The following ZFYVE9 variants were observed in gnomAD, a reference collection of about 807,000 sequenced individuals.
ZFYVE9 encodes the protein zinc finger FYVE domain-containing protein 9.
ZFYVE9 carries 43 observed loss-of-function variants against 126.7 expected under a neutral mutation model. The ratio of observed to expected loss-of-function variants is 0.34; its 90% confidence interval spans 0.27 to 0.44. The LOEUF is 0.44. Ranked by LOEUF, ZFYVE9 falls within the 20% of genes least tolerant of loss-of-function variation. ZFYVE9 has a pLI of 1.00. For missense variants in ZFYVE9, 1,476 were observed against 1,697.0 expected, an observed-to-expected ratio of 0.87 and a Z score of 2.29; for synonymous variants, 521 against 597.4, an observed-to-expected ratio of 0.87 and a Z score of 1.87.
At chr1:52,233,103 G>A (rs1195278883) in intron 2 of ZFYVE9, 68 bp from the exon 3 acceptor site, 34 of 629,434 alleles carry the variant, frequency 5.4e-5, no homozygotes, top group Admixed American at 8.2e-5. Flanking sequence ...TTTTATCCTT[G>A]TGTATATACT....
At chr1:52,214,934 G>C (rs1396434655) in intron 1 of ZFYVE9, among the ~76,000 whole-genome samples, 1 of 152,102 alleles carries the variant, frequency 6.6e-6, no homozygotes, top group Middle Eastern at 3.2e-3. Flanking sequence ...GGTCACACTG[G>C]GGAGGGCAAT....
chr1:52,288,856 G>A (rs1645888939), intron 10 of ZFYVE9, among the ~76,000 whole-genome samples: 1 of 150,748 alleles, frequency 6.6e-6, no homozygotes, highest in African/African-American at 2.4e-5. Flanking sequence ...AACCCGGGAG[G>A]CGGAGGTTTC....
chr1:52,144,667 A>G (rs1354382309), intron 1 of ZFYVE9, among the ~76,000 whole-genome samples: 1 of 151,198 alleles, frequency 6.6e-6, no homozygotes, highest in African/African-American at 2.4e-5. Context: ...GCTCCAGCTC[A>G]AAGGATGTCA....
intron 12 of ZFYVE9, among the ~76,000 whole-genome samples, chr1:52,299,219 A>G (rs1488446174): frequency 6.6e-6 from 1 of 151,768 alleles, no homozygotes; most frequent in Non-Finnish European, 1.5e-5. Context: ...TGTTTTCTTT[A>G]TTTTTTATTA....
intron 1 of ZFYVE9, among the ~76,000 whole-genome samples, chr1:52,204,736 A>G (rs1644957507): frequency 6.6e-6 from 1 of 152,066 alleles, no homozygotes. Flanking sequence ...CAAAAAAAAA[A>G]GAAAAGAAAA....
intron 1 of ZFYVE9, among the ~76,000 whole-genome samples, chr1:52,175,951 G>A (rs1390963378): frequency 6.6e-6 from 1 of 152,096 alleles, no homozygotes; most frequent in Non-Finnish European, 1.5e-5. Context: ...ATTTCCTCCT[G>A]TAGCTTGGAG....
Position 52,266,662 on chromosome 1 carries a change from C to T in ZFYVE9, c.2286C>T (p.Ala762=), listed in dbSNP as rs1270743767. Residue 762 remains alanine (A), a synonymous_variant, in exon 6 of 19, where the codon GCC becomes GCT. Coordinates refer to ENST00000287727, the MANE Select transcript of ZFYVE9 (RefSeq NM_004799.4). ...TGTCTGTATTTGCTTTAGCTCAAGC[C>T]TGGGAGAACATGATGAGTGCCTCAA... ...ICHSVLMNAQ[A]WENMMSASSQ... 2 of 1,592,398 alleles carry T rather than the reference C, an allele frequency of 1.3e-6. No individual in the cohort carries two copies. Among genetic ancestry groups the T allele is most frequent in the Non-Finnish European group, 1.7e-6 (2 of 1,170,834 alleles).
chr1:52,313,958 G>T (rs1355236320), intron 13 of ZFYVE9, among the ~76,000 whole-genome samples: 1 of 152,126 alleles, frequency 6.6e-6, no homozygotes, highest in Non-Finnish European at 1.5e-5. Context: ...TAAATAAACA[G>T]CACGTCATCG....
chr1:52,215,753 C>T (rs534595952), intron 1 of ZFYVE9, among the ~76,000 whole-genome samples: 1 of 152,202 alleles, frequency 6.6e-6, no homozygotes, highest in East Asian at 1.9e-4. Flanking sequence ...TGGATATTGT[C>T]GTATTTTCAC....
intron 7 of ZFYVE9, 53 bp downstream of exon 7, chr1:52,268,685 T>G: frequency 1.9e-6 from 3 of 1,571,166 alleles, no homozygotes; most frequent in Non-Finnish European, 2.6e-6. Context: ...CTCAGCATTG[T>G]GCTGCCTCTG....
chr1:52,308,479 G>A (rs890783207), intron 13 of ZFYVE9, among the ~76,000 whole-genome samples: 4 of 152,036 alleles, frequency 2.6e-5, no homozygotes, highest in Admixed American at 6.5e-5. Context: ...CACTACACCC[G>A]GCCATAATTT....
At chr1:52,310,737 A>C (rs779157708) in intron 13 of ZFYVE9, among the ~76,000 whole-genome samples, 1 of 152,172 alleles carries the variant, frequency 6.6e-6, no homozygotes, top group Non-Finnish European at 1.5e-5. Flanking sequence ...ATGTGGTTCT[A>C]TTTACATTTT....
chr1:52,269,405 C>T (rs1161578403), intron 7 of ZFYVE9, among the ~76,000 whole-genome samples: 1 of 152,128 alleles, frequency 6.6e-6, no homozygotes, highest in African/African-American at 2.4e-5. Context: ...GCTAGGATTA[C>T]AGGTGTGAGC....
At chr1:52,175,455 A>G (rs956004205) in intron 1 of ZFYVE9, among the ~76,000 whole-genome samples, 9 of 149,968 alleles carry the variant, frequency 6.0e-5, no homozygotes, top group Non-Finnish European at 1.2e-4. Flanking sequence ...CTTCATTTCA[A>G]CTTTGGTGAA....
intron 1 of ZFYVE9, chr1:52,160,432 GGCAGT>G: frequency 1.1e-6 from 1 of 948,416 alleles, no homozygotes; most frequent in Non-Finnish European, 1.7e-6. Context: ...ATCCTCCAAA[GGCAGT>G]GCCTTTCTAT....
At chr1:52,249,295 A>C (rs560556628) in intron 4 of ZFYVE9, among the ~76,000 whole-genome samples, 2 of 152,272 alleles carry the variant, frequency 1.3e-5, no homozygotes, top group African/African-American at 2.4e-5. Context: ...AGACTAATAC[A>C]CTTGTCAACA....
At chr1:52,302,753 GA>G (rs58132556) in intron 12 of ZFYVE9, among the ~76,000 whole-genome samples, 7,356 of 137,856 alleles carry the variant, frequency 0.053, 549 homozygotes, top group African/African-American at 0.17. Flanking sequence ...TCTGTCTCAG[GA>G]AAAAAAAAAA....
intron 10 of ZFYVE9, among the ~76,000 whole-genome samples, chr1:52,291,404 A>G (rs907959470): frequency 2.0e-5 from 3 of 152,226 alleles, no homozygotes; most frequent in African/African-American, 4.8e-5. Flanking sequence ...ATTGCTTTCA[A>G]AGGTATCAAA....
intron 9 of ZFYVE9, 143 bp downstream of exon 9, chr1:52,278,757 C>A (rs557588080): frequency 2.4e-5 from 15 of 635,096 alleles, no homozygotes; most frequent in African/African-American, 6.0e-5. Flanking sequence ...GACAGAATCT[C>A]GCTGTGTCAC....
Sources: allele counts gnomAD v4.1 joint callset (sites outside exome capture counted in the v4.1 genomes callset), GRCh38; gene constraint gnomAD v4.1.1; transcripts MANE v1.5; gene names NCBI Gene and HGNC (gene_info 2026-07-23, HGNC 2026-07-21).